The following OSBPL3 variants were observed in gnomAD, a reference collection of about 807,000 sequenced individuals.
OSBPL3 encodes the protein oxysterol-binding protein-related protein 3.
In OSBPL3, 65 loss-of-function variants were observed where a neutral mutation model predicts 120.1. That is an observed-to-expected ratio of 0.54 (90% confidence interval 0.44 to 0.67). The LOEUF (loss-of-function observed/expected upper bound fraction) is 0.67, where lower values mean the gene tolerates loss of function less well. Among genes scored for constraint, OSBPL3 ranks in the 30% least tolerant of loss-of-function variants. The pLI, the probability that OSBPL3 is intolerant of heterozygous loss-of-function variation, is 0.00. For synonymous variants in OSBPL3, 416 were observed against 402.6 expected (o/e 1.03, Z -0.40); for missense variants, 1,004 against 1,082.1 (o/e 0.93, Z 1.01).
At chr7:24,828,825 G>C (rs553530854) in intron 16 of OSBPL3, among the ~76,000 whole-genome samples, 1 of 151,874 alleles carries the variant, frequency 6.6e-6, no homozygotes, top group East Asian at 1.9e-4. Context: ...GGTCACACAT[G>C]GAGCAAATTG....
Position 24,829,551 on chromosome 7 carries a change from A to G in OSBPL3, c.1884+1217T>C, listed in dbSNP as rs1015538238. 3.9e-5 allele frequency among the ~76,000 whole-genome samples: 6 copies of G among 152,294 alleles called. No homozygotes were observed. In the South Asian group the frequency reaches 1.2e-3, roughly 32 times the overall value. On this transcript the variant is annotated intron_variant, in intron 16 of 22. Coordinates refer to ENST00000313367, the MANE Select transcript of OSBPL3 (RefSeq NM_015550.4). ...ATCCATTGATAAAGAGAGCAGCAAG[A>G]TAAAAGAATATTTTAGCAATCCACC...
chr7:24,801,097 C>T (rs955825580), intron 22 of OSBPL3, among the ~76,000 whole-genome samples: 5 of 151,432 alleles, frequency 3.3e-5, no homozygotes, highest in African/African-American at 9.7e-5. Context: ...AAAAATTAGC[C>T]GGGCATGGTG....
At chr7:24,910,321 C>G (rs1046412255) in intron 1 of OSBPL3, among the ~76,000 whole-genome samples, 1 of 152,080 alleles carries the variant, frequency 6.6e-6, no homozygotes, top group Admixed American at 6.6e-5. Flanking sequence ...GAGATGAGTC[C>G]ATAGGTCCTA....
At chr7:24,909,249 T>C (rs2128410944) in intron 1 of OSBPL3, among the ~76,000 whole-genome samples, 1 of 152,308 alleles carries the variant, frequency 6.6e-6, no homozygotes, top group South Asian at 2.1e-4. Flanking sequence ...TTTAATGTGG[T>C]TCATGGGCAT....
chr7:24,891,860 C>T lies in OSBPL3; in HGVS notation c.96+517G>A, dbSNP rs1220382036. Among the ~76,000 whole-genome samples, 17 of 152,060 alleles carry T rather than the reference C, an allele frequency of 1.1e-4. No homozygotes were observed. Among genetic ancestry groups the T allele is most frequent in the Admixed American group, 1.1e-3 (17 of 15,266 alleles). On this transcript the variant is annotated intron_variant, in intron 2 of 22. Transcript: ENST00000313367. This position sits in a 1 kb window ranked among gnomAD's most constrained non-coding sequence, Gnocchi z 4.1. ...TTATAGATATAAAGCAGGTGAGTCT[C>T]GAAGCTACTAACAGGGCAATCTGTG...
intron 11 of OSBPL3, among the ~76,000 whole-genome samples, chr7:24,850,737 T>C (rs934114646): frequency 1.3e-5 from 2 of 152,144 alleles, no homozygotes; most frequent in African/African-American, 4.8e-5. Flanking sequence ...AGCCTGAAAA[T>C]TGTGCTATTT....
chr7:24,858,632 T>G (rs1019552989), intron 10 of OSBPL3, among the ~76,000 whole-genome samples: 19 of 152,236 alleles, frequency 1.2e-4, no homozygotes, highest in Non-Finnish European at 5.9e-5. Flanking sequence ...GTTGAATAAG[T>G]GCATTGGACC....
chr7:24,981,113 A>AT (rs1319907421), upstream of OSBPL3, among the ~76,000 whole-genome samples: 1 of 152,176 alleles, frequency 6.6e-6, no homozygotes, highest in Non-Finnish European at 1.5e-5. This position sits in a 1 kb window ranked among gnomAD's most constrained non-coding sequence, Gnocchi z 7.3. Flanking sequence ...CGGGGCTTGC[A>AT]TTTTTTGTGG....
Position 24,851,474 on chromosome 7 carries a change from G to A in OSBPL3, c.1158+1030C>T, listed in dbSNP as rs17150305. Among the ~76,000 whole-genome samples, 49,349 of 151,978 alleles carry A rather than the reference G, an allele frequency of 0.32. 8,381 individuals carry two copies. The highest frequency in any genetic ancestry group is 0.46 in the East Asian group (2,391 of 5,164). On this transcript the variant is annotated intron_variant, in intron 11 of 22. Transcript: ENST00000313367. The surrounding 1 kb of genome is among the most constrained non-coding windows in gnomAD (Gnocchi z 4.1). The stretch of plus-strand genomic sequence containing the variant: ...TTATATTAAGAGCATCACTTTTCTT[G>A]GCAATACGATAAATAGAAAATATGA...
intron 22 of OSBPL3, among the ~76,000 whole-genome samples, chr7:24,800,568 T>C (rs1431668822): frequency 6.6e-6 from 1 of 150,850 alleles, no homozygotes; most frequent in African/African-American, 2.4e-5. Flanking sequence ...TCGATTCTCC[T>C]GCCTCAGCCT....
At chr7:24,844,913 A>G (rs1003275248) in intron 12 of OSBPL3, among the ~76,000 whole-genome samples, 31 of 152,276 alleles carry the variant, frequency 2.0e-4, no homozygotes, top group African/African-American at 7.2e-4. Context: ...TATATTGTTA[A>G]TATTTTCCCA....
chr7:24,897,937 C>T (rs1260036157), intron 1 of OSBPL3, among the ~76,000 whole-genome samples: 2 of 152,092 alleles, frequency 1.3e-5, no homozygotes, highest in African/African-American at 2.4e-5. Context: ...TAGTTGGAAA[C>T]GACTTTCATG....
In OSBPL3 at chr7:24,861,665, G is replaced by T. The variant is rs148648017; in HGVS notation, c.975C>A (p.Thr325=). The change falls in exon 10 of 23, where the codon ACC becomes ACA. Residue 325 remains threonine (T), a synonymous_variant. Coordinates refer to ENST00000313367, the MANE Select transcript of OSBPL3 (RefSeq NM_015550.4). ...CTTGCATTTTAGAAAACTCTGATGA[G>T]GTTTCAGAGCCATCAGAATAATTTT... ...EEKNYSDGSE[T]SSEFSKMQED... The T allele has an allele frequency of 1.9e-5, 31 of 1,609,736 alleles. No individual in the cohort carries two copies. Among genetic ancestry groups the T allele is most frequent in the Non-Finnish European group, 2.5e-5 (30 of 1,176,950 alleles).
Position 24,800,107 on chromosome 7 carries a change from A to G in OSBPL3, c.*76T>C. 3.8e-6 allele frequency: 3 copies of G among 783,330 alleles called. No homozygotes were observed. The highest frequency in any genetic ancestry group is 1.5e-5 in the South Asian group (1 of 68,178). 48.5% of individuals were successfully genotyped at this position (783,330 alleles called of 1,614,324 possible). On this transcript the variant is annotated 3_prime_UTR_variant, in exon 23 of 23. Coordinates refer to ENST00000313367, the MANE Select transcript of OSBPL3 (RefSeq NM_015550.4). ...TCATCCTAGAGTATCTTTTAAATAT[A>G]TAAACACAGGTTTGTGCCACTTCAG...
chr7:24,898,392 G>T lies in OSBPL3; in HGVS notation c.-149-5771C>A, dbSNP rs1008824790. Among the ~76,000 whole-genome samples the T allele has an allele frequency of 6.6e-6, 1 of 152,188 alleles. No homozygotes were observed. Among genetic ancestry groups the T allele is most frequent in the African/African-American group, 2.4e-5 (1 of 41,446 alleles). On this transcript the variant is annotated intron_variant, in intron 1 of 22. Coordinates refer to ENST00000313367, the MANE Select transcript of OSBPL3 (RefSeq NM_015550.4). The surrounding 1 kb of genome is among the most constrained non-coding windows in gnomAD (Gnocchi z 4.3). ...TCTGGGAGATGAGTACTAAGGCTCA[G>T]TGTCCACAGAAGTCCCTTCTTTAAA...
chr7:24,956,799 T>C (rs1008456811), intron 1 of OSBPL3, among the ~76,000 whole-genome samples: 2 of 152,238 alleles, frequency 1.3e-5, no homozygotes, highest in African/African-American at 4.8e-5. Context: ...TCAGGTTTTA[T>C]CCTTTTTTAA....
At chr7:24,843,373 C>G (rs1798016481) in intron 12 of OSBPL3, among the ~76,000 whole-genome samples, 1 of 152,170 alleles carries the variant, frequency 6.6e-6, no homozygotes, top group African/African-American at 2.4e-5. Context: ...TTCTTTCAAT[C>G]AGAGTAGACA....
chr7:24,868,910 C>T (rs1801730130), intron 5 of OSBPL3, among the ~76,000 whole-genome samples: 2 of 152,176 alleles, frequency 1.3e-5, no homozygotes. Context: ...AATAAGAGCA[C>T]TTTATTAAAT....
In OSBPL3 at chr7:24,966,855, A is replaced by G. The variant is rs1803356897; in HGVS notation, c.-150+13031T>C. Among the ~76,000 whole-genome samples, 2 of 152,242 alleles carry G rather than the reference A, an allele frequency of 1.3e-5. No homozygotes were observed. Among genetic ancestry groups the G allele is most frequent in the African/African-American group, 2.4e-5 (1 of 41,466 alleles). ...ATTATTTCCCAGGCAAAATTCATATATAAATCACATACATACAAATTTATG... is the reference window on the plus strand; with the variant it reads ...ATTATTTCCCAGGCAAAATTCATATGTAAATCACATACATACAAATTTATG... On this transcript the variant is annotated intron_variant, in intron 1 of 22. Coordinates refer to ENST00000313367, the MANE Select transcript of OSBPL3 (RefSeq NM_015550.4). The surrounding 1 kb of genome is among the most constrained non-coding windows in gnomAD (Gnocchi z 4.8).
Sources: gnomAD v4.1 joint callset for allele counts (sites outside exome capture counted in the v4.1 genomes callset) on GRCh38, gnomAD v4.1.1 for gene constraint, Gnocchi (gnomAD v3.1) non-coding constraint, MANE v1.5 for transcripts, NCBI Gene and HGNC (gene_info 2026-07-23, HGNC 2026-07-21) for gene names.